The following GABBR1 variants were observed in gnomAD, a reference collection of about 807,000 sequenced individuals.
GABBR1 encodes GABA-B receptor, R1 subunit.
Under a neutral mutation model 117.7 loss-of-function variants are expected in GABBR1, and 35 were observed. That is an observed-to-expected ratio of 0.30 (90% confidence interval 0.23 to 0.39). GABBR1 has a LOEUF of 0.39. Among genes scored for constraint, GABBR1 ranks in the 10% least tolerant of loss-of-function variants. The pLI is 1.00. For synonymous variants in GABBR1, 442 were observed against 486.6 expected, an observed-to-expected ratio of 0.91 and a Z score of 1.21; for missense variants, 709 against 1,241.8, an observed-to-expected ratio of 0.57 and a Z score of 6.45.
Position 29,611,094 on chromosome 6 carries a change from G to A in GABBR1, c.1631-93C>T, listed in dbSNP as rs1303346822. ...TCCCACTTCCCTAGAGCTTTGCATG[G>A]TTGTATCTGATTTTATTTTCACCTG... On this transcript the variant is annotated intron_variant, in intron 13 of 22. Transcript: ENST00000377034. The surrounding 1 kb of genome is among the most constrained non-coding windows in gnomAD (Gnocchi z 4.6). 4.1e-6 allele frequency: 4 copies of A among 978,618 alleles called. No individual in the cohort carries two copies. Among genetic ancestry groups the A allele is most frequent in the Non-Finnish European group, 6.4e-6 (4 of 624,596 alleles). The allele number at this position is 978,618 out of a possible 1,614,324, so 60.6% of individuals were successfully genotyped here.
Position 29,632,816 on chromosome 6 carries a change from C to T in GABBR1, c.-1+34G>A. Reference sequence around the variant, plus strand: ...CCCCACCACGCCGCGCGCCCCCTCTCCGAGCCCTGCTAACCCGGGGCCCTG... The same window carrying T: ...CCCCACCACGCCGCGCGCCCCCTCTTCGAGCCCTGCTAACCCGGGGCCCTG... On this transcript the variant is annotated intron_variant, in intron 1 of 22. Transcript: ENST00000377034. The surrounding 1 kb of genome is among the most constrained non-coding windows in gnomAD (Gnocchi z 5.8). 3 of 611,222 alleles carry T rather than the reference C, an allele frequency of 4.9e-6. No individual in the cohort carries two copies. The highest frequency in any genetic ancestry group is 6.8e-6 in the Non-Finnish European group (3 of 443,858). The allele number at this position is 611,222 out of a possible 1,614,324, so 37.9% of individuals were successfully genotyped here. A position where few individuals can be genotyped will look rare whatever the true frequency, so the allele number is the denominator to read the frequency against.
intron 4 of GABBR1, 143 bp from the exon 5 acceptor site, chr6:29,629,250 G>A: frequency 1.1e-6 from 1 of 904,380 alleles, no homozygotes; most frequent in East Asian, 2.6e-5. Flanking sequence ...GAGGGTGCCT[G>A]GGGATAAGAA....
chr6:29,603,170 G>A lies in GABBR1; in HGVS notation c.*373C>T. 1 of 483,650 alleles carries A rather than the reference G, an allele frequency of 2.1e-6. No individual in the cohort carries two copies. Among genetic ancestry groups the A allele is most frequent in the Non-Finnish European group, 4.1e-6 (1 of 244,248 alleles). The allele number at this position is 483,650 out of a possible 1,614,324, so 30.0% of individuals were successfully genotyped here. ...GAGACCCCTGCTGGACAGGAACAGA[G>A]CACAAAGGCAGAGGAGCTGCAGGGG... On this transcript the variant is annotated 3_prime_UTR_variant, in exon 23 of 23. Transcript: ENST00000377034.
chr6:29,621,206 A>G lies in GABBR1; in HGVS notation c.1218T>C (p.Pro406=). Residue 406 remains proline (P), a synonymous_variant, in exon 11 of 23, where the codon CCT becomes CCC. Transcript: ENST00000377034. The surrounding 1 kb of genome is among the most constrained non-coding windows in gnomAD (Gnocchi z 5.0). ...TCTCATCCACTGTGCAGTTGATAGAAGGGTCGTAGATCTTGAACCAATTGT... is the reference window on the plus strand; with the variant it reads ...TCTCATCCACTGTGCAGTTGATAGAGGGGTCGTAGATCTTGAACCAATTGT... ...YADNWFKIYD[P]SINCTVDEMT... is the part of the protein sequence containing the mutation. 6.2e-7 allele frequency: 1 copy of G among 1,613,084 alleles called. No individual in the cohort carries two copies. The highest frequency in any genetic ancestry group is 8.5e-7 in the Non-Finnish European group (1 of 1,180,010).
intron 11 of GABBR1, among the ~76,000 whole-genome samples, chr6:29,615,383 G>A (rs1445584516): frequency 4.6e-5 from 7 of 152,030 alleles, no homozygotes; most frequent in Non-Finnish European, 8.8e-5. Flanking sequence ...GGCCAAGGAG[G>A]GTGGATCACC....
Position 29,627,330 on chromosome 6 carries a change from G to T in GABBR1, c.657+156C>A, listed in dbSNP as rs1764375212. On this transcript the variant is annotated intron_variant, in intron 6 of 22. Coordinates refer to ENST00000377034, the MANE Select transcript of GABBR1 (RefSeq NM_001470.4). The surrounding 1 kb of genome is among the most constrained non-coding windows in gnomAD (Gnocchi z 4.4). ...CTCCAGCCCCTGCGACTCTCCCCAA[G>T]CTCCTGCACCCCCAGCCCATCTCCT... 6.6e-6 allele frequency among the ~76,000 whole-genome samples: 1 copy of T among 152,072 alleles called. No homozygotes were observed. Among genetic ancestry groups the T allele is most frequent in the South Asian group, 2.1e-4 (1 of 4,822 alleles).
chr6:29,612,811 G>T (rs29227), intron 12 of GABBR1, among the ~76,000 whole-genome samples, 197 bp from the exon 13 acceptor site: 14,898 of 152,224 alleles, frequency 0.098, 857 homozygotes, highest in Middle Eastern at 0.21. Context: ...CTTTGGAGAA[G>T]GAGCTTCACT....
Position 29,609,861 on chromosome 6 carries a change from A to G in GABBR1, c.1709-482T>C, listed in dbSNP as rs1283850833. Among the ~76,000 whole-genome samples, 1 of 152,130 alleles carries G rather than the reference A, an allele frequency of 6.6e-6. No individual in the cohort carries two copies. The highest frequency in any genetic ancestry group is 1.5e-5 in the Non-Finnish European group (1 of 68,022). On this transcript the variant is annotated intron_variant, in intron 14 of 22. Transcript: ENST00000377034. This position sits in a 1 kb window ranked among gnomAD's most constrained non-coding sequence, Gnocchi z 4.3. Reference sequence around the variant, plus strand: ...TGGACACCTATTCTTAAGACAAACAAAAAAAGAAGGAAAGCTAATCTGAAA... The same window carrying G: ...TGGACACCTATTCTTAAGACAAACAGAAAAAGAAGGAAAGCTAATCTGAAA...
rs1327671740 is a variant in GABBR1 at position 29,620,548 on chromosome 6, A to T, written c.1323+553T>A. Among the ~76,000 whole-genome samples, 1 of 152,182 alleles carries T rather than the reference A, an allele frequency of 6.6e-6. No individual in the cohort carries two copies. Among genetic ancestry groups the T allele is most frequent in the Non-Finnish European group, 1.5e-5 (1 of 68,032 alleles). On this transcript the variant is annotated intron_variant, in intron 11 of 22. Coordinates refer to ENST00000377034, the MANE Select transcript of GABBR1 (RefSeq NM_001470.4). This position sits in a 1 kb window ranked among gnomAD's most constrained non-coding sequence, Gnocchi z 4.5. The stretch of plus-strand genomic sequence containing the variant: ...TCAGAGAATGCGCCTCCTCGCTCCA[A>T]GTCTGTCATTAACCAGCTGTCTGGG...
Position 29,606,436 on chromosome 6 carries a change from G to A in GABBR1, c.2266C>T (p.Pro756Ser). The change falls in exon 19 of 23, where the codon CCC (proline) becomes TCC (serine). Residue 756 changes from proline (P) to serine (S), a missense_variant. By Grantham distance (74) the Pro-to-Ser change is moderately conservative (BLOSUM62 -1). Coordinates refer to ENST00000377034, the MANE Select transcript of GABBR1 (RefSeq NM_001470.4). This position sits in a 1 kb window ranked among gnomAD's most constrained non-coding sequence, Gnocchi z 4.5. The stretch of plus-strand genomic sequence containing the variant: ...CTGGAGCTGCAATGCTCCAGCTGGG[G>A]CAGAATAGAGACGTCAATATCTTCC... ...PKEDIDVSILPQLEHCSSRKM... is the reference protein window; with the variant it reads ...PKEDIDVSILSQLEHCSSRKM... 1 of 1,612,912 alleles carries A rather than the reference G, an allele frequency of 6.2e-7. No individual in the cohort carries two copies. The highest frequency in any genetic ancestry group is 8.5e-7 in the Non-Finnish European group (1 of 1,179,816).
chr6:29,632,722 C>G lies in GABBR1; in HGVS notation c.-1+128G>C. 2 of 1,342,198 alleles carry G rather than the reference C, an allele frequency of 1.5e-6. No individual in the cohort carries two copies. The highest frequency in any genetic ancestry group is 1.9e-6 in the Non-Finnish European group (2 of 1,032,238). 83.1% of individuals were successfully genotyped at this position (1,342,198 alleles called of 1,614,324 possible). On this transcript the variant is annotated intron_variant, in intron 1 of 22. Transcript: ENST00000377034. The surrounding 1 kb of genome is among the most constrained non-coding windows in gnomAD (Gnocchi z 5.8). ...CGGCCGCCTCAGCGCTCCCCGATTC[C>G]ATCCCCGCGGTTCCTCCTCTCCCCC...
chr6:29,606,934 A>G lies in GABBR1; in HGVS notation c.2180T>C (p.Ile727Thr). The change falls in exon 18 of 23, where the codon ATC (isoleucine) becomes ACC (threonine). Residue 727 changes from isoleucine to threonine, a missense_variant. By Grantham distance (89) the Ile-to-Thr change is moderately conservative. Coordinates refer to ENST00000377034, the MANE Select transcript of GABBR1 (RefSeq NM_001470.4). This position sits in a 1 kb window ranked among gnomAD's most constrained non-coding sequence, Gnocchi z 4.5. ...GTGCAGAGGGTCCACGATCTGCCAG[A>G]TGGCGAGAGTGAGGACATCCATGCC... is the stretch of plus-strand genomic sequence containing the variant. ...LVGMDVLTLAIWQIVDPLHRT... is the reference protein window; with the variant it reads ...LVGMDVLTLATWQIVDPLHRT... 6.2e-7 allele frequency: 1 copy of G among 1,614,220 alleles called. No homozygotes were observed. The highest frequency in any genetic ancestry group is 8.5e-7 in the Non-Finnish European group (1 of 1,180,024).
At chr6:29,615,975 G>C (rs1763055031) in intron 11 of GABBR1, among the ~76,000 whole-genome samples, 2 of 152,204 alleles carry the variant, frequency 1.3e-5, no homozygotes, top group Non-Finnish European at 2.9e-5. Context: ...GCTGAGGCGG[G>C]TGGATCACCT....
rs1192600260 is a variant in GABBR1 at position 29,623,016 on chromosome 6, T to C, written c.963+289A>G. 6.6e-6 allele frequency among the ~76,000 whole-genome samples: 1 copy of C among 152,104 alleles called. No individual in the cohort carries two copies. The highest frequency in any genetic ancestry group is 6.5e-5 in the Admixed American group (1 of 15,272). ...TCGCTCCCATCTCTTGCCCCCACTT[T>C]GGATTGAACCTACTTTAACAGAACT... On this transcript the variant is annotated intron_variant, in intron 8 of 22. Transcript: ENST00000377034. This position sits in a 1 kb window ranked among gnomAD's most constrained non-coding sequence, Gnocchi z 6.2.
At chr6:29,619,641 C>A (rs1483794006) in intron 11 of GABBR1, among the ~76,000 whole-genome samples, 2 of 152,156 alleles carry the variant, frequency 1.3e-5, no homozygotes, top group South Asian at 4.1e-4. Flanking sequence ...CAGGTGTGAG[C>A]CACTAGATCC....
In GABBR1 at chr6:29,630,873, T is replaced by C. The variant is rs1764893602; in HGVS notation, c.290-230A>G. Among the ~76,000 whole-genome samples, 1 of 152,200 alleles carries C rather than the reference T, an allele frequency of 6.6e-6. No homozygotes were observed. The highest frequency in any genetic ancestry group is 6.5e-5 in the Admixed American group (1 of 15,282). On this transcript the variant is annotated intron_variant, in intron 3 of 22. Coordinates refer to ENST00000377034, the MANE Select transcript of GABBR1 (RefSeq NM_001470.4). The surrounding 1 kb of genome is among the most constrained non-coding windows in gnomAD (Gnocchi z 4.9). ...CCATTTTAGGAACCCAAGATGGGGCTATAAGCACACAAAATGGGATCTCTT... is the reference window on the plus strand; with the variant it reads ...CCATTTTAGGAACCCAAGATGGGGCCATAAGCACACAAAATGGGATCTCTT...
intron 11 of GABBR1, among the ~76,000 whole-genome samples, chr6:29,618,906 C>T (rs1229180385): frequency 6.6e-6 from 1 of 152,192 alleles, no homozygotes; most frequent in African/African-American, 2.4e-5. Flanking sequence ...TCCCCTACCC[C>T]CAACTGTAAC....
chr6:29,632,622 A>G lies in GABBR1; in HGVS notation c.-1+228T>C. On this transcript the variant is annotated intron_variant, in intron 1 of 22. Coordinates refer to ENST00000377034, the MANE Select transcript of GABBR1 (RefSeq NM_001470.4). This position sits in a 1 kb window ranked among gnomAD's most constrained non-coding sequence, Gnocchi z 5.8. ...TCCCTCGGCCCCCAACCCTCCCGGGACTCCACCTCTCACCACCTCCTCTCC... is the reference window on the plus strand; with the variant it reads ...TCCCTCGGCCCCCAACCCTCCCGGGGCTCCACCTCTCACCACCTCCTCTCC... The G allele has an allele frequency of 1.2e-5, 13 of 1,079,796 alleles. No individual in the cohort carries two copies. The highest frequency in any genetic ancestry group is 1.6e-5 in the Non-Finnish European group (12 of 768,418). The allele number at this position is 1,079,796 out of a possible 1,614,324, so 66.9% of individuals were successfully genotyped here.
chr6:29,603,744 TAGG>T, intron 22 of GABBR1, 28 bp from the exon 23 acceptor site: 1 of 1,428,014 alleles, frequency 7.0e-7, no homozygotes, highest in African/African-American at 1.5e-5. Flanking sequence ...ATTGGGATAG[TAGG>T]AGAAGAGGAG....
Sources: gnomAD v4.1 joint callset for allele counts (sites outside exome capture counted in the v4.1 genomes callset) on GRCh38, gnomAD v4.1.1 for gene constraint, Gnocchi (gnomAD v3.1) non-coding constraint, MANE v1.5 for transcripts, NCBI Gene and HGNC (gene_info 2026-07-23, HGNC 2026-07-21) for gene names.